Variants in LIN54 observed in about 807,000 individuals in gnomAD.
The protein encoded by LIN54 is protein lin-54 homolog.
A neutral mutation model predicts 78.7 loss-of-function variants in LIN54; 9 were observed. The observed-to-expected ratio is 0.11, with a 90% CI of 0.07 to 0.20. The LOEUF (loss-of-function observed/expected upper bound fraction) is 0.20, where lower values mean the gene tolerates loss of function less well. Among genes scored for constraint, LIN54 ranks in the 10% least tolerant of loss-of-function variants. The pLI, the probability that LIN54 is intolerant of heterozygous loss-of-function variation, is 1.00. For synonymous variants in LIN54, 269 were observed against 318.4 expected, an observed-to-expected ratio of 0.84 and a Z score of 1.65; for missense variants, 573 against 889.9, an observed-to-expected ratio of 0.64 and a Z score of 4.53.
chr4:82,941,149 G>GATATATATATATATATATATATATATAT (rs3081913), intron 5 of LIN54, among the ~76,000 whole-genome samples: 7 of 131,140 alleles, frequency 5.3e-5, no homozygotes, highest in East Asian at 2.5e-4. Context: ...GAGTTAAGAG[G>GATATATATATATATATATATATATATAT]ATATATATAT....
At chr4:82,976,509 ACCAG>A (rs1286199883) in intron 3 of LIN54, among the ~76,000 whole-genome samples, 1 of 152,144 alleles carries the variant, frequency 6.6e-6, no homozygotes, top group African/African-American at 2.4e-5. Context: ...GGAGTTCGAG[ACCAG>A]CCTGGCCAAC....
At position 82,927,902 on chromosome 4, in the gene LIN54, G is replaced by A; in HGVS notation, c.*200C>T. ...AATAAAGAAAAATTCAATTTAGAAG[G>A]GGCATAAGCAGATTTAACTAAGATT... On this transcript the variant is annotated 3_prime_UTR_variant, in exon 13 of 13. Transcript: ENST00000340417. 3 of 515,238 alleles carry A rather than the reference G, an allele frequency of 5.8e-6. No homozygotes were observed. Among genetic ancestry groups the A allele is most frequent in the South Asian group, 3.4e-5 (1 of 29,374 alleles). The allele number at this position is 515,238 out of a possible 1,614,324, so 31.9% of individuals were successfully genotyped here.
At chr4:82,960,472 C>T (rs1724696441) in intron 4 of LIN54, among the ~76,000 whole-genome samples, 1 of 151,790 alleles carries the variant, frequency 6.6e-6, no homozygotes, top group African/African-American at 2.4e-5. Context: ...TTCACTCCAT[C>T]ACCCAGGTTG....
chr4:83,009,653 G>A (rs1729693603), intron 1 of LIN54, among the ~76,000 whole-genome samples: 2 of 152,164 alleles, frequency 1.3e-5, no homozygotes, highest in South Asian at 2.1e-4. Flanking sequence ...CAAAGGGCTA[G>A]GCTAATCACT....
intron 1 of LIN54, among the ~76,000 whole-genome samples, chr4:83,004,302 G>C (rs1729112382): frequency 6.6e-6 from 1 of 151,044 alleles, no homozygotes; most frequent in Non-Finnish European, 1.5e-5. Context: ...GGGAGGCTGA[G>C]GCAGGAAAAT....
chr4:82,973,728 G>A (rs1373660382), intron 3 of LIN54, among the ~76,000 whole-genome samples: 1 of 152,104 alleles, frequency 6.6e-6, no homozygotes, highest in African/African-American at 2.4e-5. Context: ...CTTGTCAGGT[G>A]GCTGGTATCT....
intron 4 of LIN54, among the ~76,000 whole-genome samples, chr4:82,947,533 C>T (rs576602057): frequency 2.1e-4 from 32 of 151,600 alleles, no homozygotes; most frequent in Non-Finnish European, 3.5e-4. Flanking sequence ...GTAGGGATTA[C>T]AGGTGGGAGC....
chr4:82,956,208 C>T (rs1322732761), intron 4 of LIN54, among the ~76,000 whole-genome samples: 2 of 152,130 alleles, frequency 1.3e-5, no homozygotes, highest in Non-Finnish European at 2.9e-5. Context: ...GCCTTGGCCT[C>T]CCAAAGTGCT....
At chr4:82,948,383 G>C (rs1553949247) in intron 4 of LIN54, among the ~76,000 whole-genome samples, 1 of 152,114 alleles carries the variant, frequency 6.6e-6, no homozygotes, top group Non-Finnish European at 1.5e-5. Context: ...AATTAAGTTT[G>C]TTTAGTATAC....
At chr4:82,942,670 A>G (rs1437152435) in intron 5 of LIN54, among the ~76,000 whole-genome samples, 2 of 152,118 alleles carry the variant, frequency 1.3e-5, no homozygotes, top group African/African-American at 4.8e-5. Flanking sequence ...CCTGGGAGAG[A>G]TGACAGTCGC....
intron 1 of LIN54, among the ~76,000 whole-genome samples, chr4:83,000,178 G>C (rs1373172182): frequency 6.6e-6 from 1 of 152,134 alleles, no homozygotes; most frequent in Non-Finnish European, 1.5e-5. Context: ...ACAGGTATGA[G>C]CCACCATGCC....
At position 82,979,939 on chromosome 4, in the gene LIN54, C is replaced by CAAAAAA. The variant is rs70943176; in HGVS notation, c.685-939_685-934dup. 1.3e-3 allele frequency among the ~76,000 whole-genome samples: 67 copies of CAAAAAA among 49,848 alleles called. 6 individuals carry two copies. The highest frequency in any genetic ancestry group is 5.3e-3 in the African/African-American group (63 of 11,870). 32.7% of individuals were successfully genotyped at this position (49,848 alleles called of 152,430 possible). Reference sequence around the variant, plus strand: ...TGACAGAGTGAGTGAGACTCTGTCTCAAAAAAAAAAAAAAAAAAAAAAAAA... The same window carrying CAAAAAA: ...TGACAGAGTGAGTGAGACTCTGTCTCAAAAAAAAAAAAAAAAAAAAAAAAAAAAAAA... On this transcript the variant is annotated intron_variant, in intron 2 of 12. Transcript: ENST00000340417.
chr4:83,001,900 AGGGAG>A, intron 1 of LIN54, among the ~76,000 whole-genome samples: 1 of 1,196 alleles, frequency 8.4e-4, no homozygotes, highest in African/African-American at 2.5e-3. Flanking sequence ...GGAAGGAGGG[AGGGAG>A]GGAGGGAGGG....
chr4:83,010,172 A>G (rs767897081), intron 1 of LIN54, among the ~76,000 whole-genome samples: 1 of 152,202 alleles, frequency 6.6e-6, no homozygotes, highest in Non-Finnish European at 1.5e-5. Flanking sequence ...AGAAACGTAC[A>G]ACCCCAAGAA....
At chr4:82,939,757 T>C (rs375682832) in intron 6 of LIN54, 21 bp from the exon 7 acceptor site, 1 of 1,613,336 alleles carries the variant, frequency 6.2e-7, no homozygotes, top group Non-Finnish European at 8.5e-7. Context: ...GGGACATATA[T>C]CAATGACCAC....
chr4:83,008,451 C>T (rs902037430), intron 1 of LIN54, among the ~76,000 whole-genome samples: 2 of 152,124 alleles, frequency 1.3e-5, no homozygotes, highest in African/African-American at 4.8e-5. Flanking sequence ...GAGATGGAGA[C>T]CTTCCTGGCT....
intron 1 of LIN54, among the ~76,000 whole-genome samples, chr4:82,996,163 G>A (rs903321468): frequency 4.6e-5 from 7 of 151,902 alleles, no homozygotes; most frequent in Non-Finnish European, 8.8e-5. Context: ...TGGCAGGAAA[G>A]GGTTTGTCCA....
chr4:83,010,796 GGCC>G lies in LIN54; in HGVS notation c.-348_-346del, dbSNP rs943421255. The stretch of plus-strand genomic sequence containing the variant: ...CAGCTTCCCCGACAGCCGGAGCCCG[GGCC>G]GCCGCCGCCGCCGCCACCACCAGTA... On this transcript the variant is annotated 5_prime_UTR_variant, in exon 1 of 13. Coordinates refer to ENST00000340417, the MANE Select transcript of LIN54 (RefSeq NM_194282.4). 5.2e-5 allele frequency: 64 copies of G among 1,233,118 alleles called. No individual in the cohort carries two copies. Among genetic ancestry groups the G allele is most frequent in the Admixed American group, 1.3e-4 (3 of 23,698 alleles). The allele number at this position is 1,233,118 out of a possible 1,614,324, so 76.4% of individuals were successfully genotyped here. A position where few individuals can be genotyped will look rare whatever the true frequency, so the allele number is the denominator to read the frequency against.
intron 4 of LIN54, among the ~76,000 whole-genome samples, chr4:82,966,583 T>G (rs1725221880): frequency 6.6e-6 from 1 of 151,994 alleles, no homozygotes; most frequent in Non-Finnish European, 1.5e-5. Context: ...AGGTGACAAC[T>G]GCAAGGAGAA....
Sources: allele counts gnomAD v4.1 joint callset (sites outside exome capture counted in the v4.1 genomes callset), GRCh38; gene constraint gnomAD v4.1.1; transcripts MANE v1.5; gene names NCBI Gene and HGNC (gene_info 2026-07-23, HGNC 2026-07-21).